Variants in NRG3 observed in about 807,000 individuals in gnomAD.
NRG3 encodes the protein pro-neuregulin-3, membrane-bound isoform.
In NRG3, 31 loss-of-function variants were observed where a neutral mutation model predicts 66.9. The ratio of observed to expected loss-of-function variants is 0.46; its 90% CI spans 0.35 to 0.63. The LOEUF is 0.63. NRG3 is among the 20% of genes least tolerant of loss of function. The pLI is 0.00. For missense variants in NRG3, 910 were observed against 878.9 expected (o/e 1.04, Z -0.45); for synonymous variants, 393 against 359.4 (o/e 1.09, Z -1.06).
chr10:82,478,258 T>A (rs1841968098), intron 2 of NRG3, among the ~76,000 whole-genome samples: 1 of 18,296 alleles, frequency 5.5e-5, no homozygotes, highest in African/African-American at 9.3e-5. Context: ...TTTTTTTTTT[T>A]TAATTTATTT....
intron 6 of NRG3, among the ~76,000 whole-genome samples, chr10:82,970,535 C>T (rs1195502745): frequency 1.3e-5 from 2 of 152,104 alleles, no homozygotes; most frequent in East Asian, 1.9e-4. Flanking sequence ...ATGTATGTTG[C>T]CTGTCTTTAT....
intron 1 of NRG3, among the ~76,000 whole-genome samples, chr10:82,334,145 A>AG: frequency 6.7e-6 from 1 of 150,196 alleles, no homozygotes; most frequent in East Asian, 2.0e-4. Flanking sequence ...TCAAAAAAAA[A>AG]AAAAAAAAAA....
chr10:82,544,426 T>C (rs2132795724), intron 2 of NRG3, among the ~76,000 whole-genome samples: 1 of 152,304 alleles, frequency 6.6e-6, no homozygotes, highest in South Asian at 2.1e-4. Context: ...CTCAATCCAT[T>C]TCCCCTGCCC....
At chr10:82,630,134 A>G (rs1367055046) in intron 2 of NRG3, among the ~76,000 whole-genome samples, 1 of 152,146 alleles carries the variant, frequency 6.6e-6, no homozygotes, top group Non-Finnish European at 1.5e-5. Flanking sequence ...AATACAAACA[A>G]TGGGTTTGTT....
At chr10:82,941,826 C>A (rs1262551595) in intron 4 of NRG3, among the ~76,000 whole-genome samples, 2 of 152,112 alleles carry the variant, frequency 1.3e-5, no homozygotes, top group Non-Finnish European at 2.9e-5. Context: ...ATAATGAATA[C>A]TTGGATAGAA....
chr10:81,937,864 A>G (rs949359530), intron 1 of NRG3, among the ~76,000 whole-genome samples: 1 of 152,240 alleles, frequency 6.6e-6, no homozygotes, highest in Admixed American at 6.6e-5. Flanking sequence ...CAGTAGTTTT[A>G]TAGTTTCTGG....
At chr10:82,015,220 A>G (rs868416362) in intron 1 of NRG3, among the ~76,000 whole-genome samples, 93 of 152,304 alleles carry the variant, frequency 6.1e-4, no homozygotes, top group African/African-American at 2.1e-3. Flanking sequence ...AAAAGAAAGT[A>G]TGATAATTGA....
intron 2 of NRG3, among the ~76,000 whole-genome samples, chr10:82,425,114 T>C (rs1418490556): frequency 1.3e-5 from 2 of 152,086 alleles, no homozygotes; most frequent in African/African-American, 2.4e-5. Context: ...TCAAGATTGT[T>C]TGGTTATTCT....
rs577869574 is a variant in NRG3 at position 82,968,865 on chromosome 10, T to G, written c.1285-4923T>G. Among the ~76,000 whole-genome samples the G allele has an allele frequency of 1.1e-4, 17 of 152,270 alleles. 1 individual carries two copies. The South Asian group carries it at 3.5e-3, about 32-fold the overall frequency. ...AAAAAGAGGTTTAATGGACTCACAG[T>G]TTCATATGGCTGGTGAGGCCTCATA... On this transcript the variant is annotated intron_variant, in intron 6 of 8. Transcript: ENST00000372141.
chr10:81,902,445 C>G (rs1213356897), intron 1 of NRG3, among the ~76,000 whole-genome samples: 1 of 152,074 alleles, frequency 6.6e-6, no homozygotes, highest in African/African-American at 2.4e-5. Context: ...TGGAGCCTTC[C>G]TGATGAAATT....
chr10:82,407,291 C>T (rs1186193048), intron 2 of NRG3, among the ~76,000 whole-genome samples: 2 of 152,046 alleles, frequency 1.3e-5, no homozygotes, highest in African/African-American at 4.8e-5. Flanking sequence ...GTTAGCCTTT[C>T]TCATCCTTAA....
At chr10:82,487,825 A>C (rs1340760410) in intron 2 of NRG3, among the ~76,000 whole-genome samples, 1 of 152,204 alleles carries the variant, frequency 6.6e-6, no homozygotes, top group Admixed American at 6.5e-5. Flanking sequence ...TTTTAAATCC[A>C]ATTCGTGCAG....
chr10:82,699,981 G>A (rs1167565824), intron 2 of NRG3, among the ~76,000 whole-genome samples: 1 of 151,954 alleles, frequency 6.6e-6, no homozygotes, highest in Non-Finnish European at 1.5e-5. Flanking sequence ...GAAAAAGAAA[G>A]GTATTCAAGA....
At chr10:82,416,548 G>A (rs2088592925) in intron 2 of NRG3, among the ~76,000 whole-genome samples, 1 of 152,132 alleles carries the variant, frequency 6.6e-6, no homozygotes. Flanking sequence ...GGTCCCCTTT[G>A]GGCCCTAAGG....
At chr10:82,696,166 T>C (rs1253522492) in intron 2 of NRG3, among the ~76,000 whole-genome samples, 7 of 152,134 alleles carry the variant, frequency 4.6e-5, no homozygotes. Flanking sequence ...CCAGCAAGAC[T>C]ATTATTAATT....
At chr10:82,547,834 A>G (rs1437669993) in intron 2 of NRG3, among the ~76,000 whole-genome samples, 2 of 152,112 alleles carry the variant, frequency 1.3e-5, no homozygotes, top group Non-Finnish European at 2.9e-5. Context: ...ATATCTAGCT[A>G]TGTTTAAGTA....
At chr10:82,013,439 T>C (rs1274140705) in intron 1 of NRG3, among the ~76,000 whole-genome samples, 8 of 152,286 alleles carry the variant, frequency 5.3e-5, no homozygotes, top group African/African-American at 1.9e-4. Context: ...GGGAAACTTT[T>C]ATTTTTCCAT....
chr10:82,383,480 A>G (rs1171046503), intron 2 of NRG3, among the ~76,000 whole-genome samples: 1 of 151,890 alleles, frequency 6.6e-6, no homozygotes, highest in Non-Finnish European at 1.5e-5. Flanking sequence ...ATTTTTGGTT[A>G]AATTAGGTTA....
At chr10:82,081,286 A>G (rs1486103969) in intron 1 of NRG3, among the ~76,000 whole-genome samples, 2 of 152,218 alleles carry the variant, frequency 1.3e-5, no homozygotes, top group African/African-American at 4.8e-5. Flanking sequence ...TGATGGAATT[A>G]TCTGTTGCAG....
Sources: gnomAD v4.1 joint callset for allele counts (sites outside exome capture counted in the v4.1 genomes callset) on GRCh38, gnomAD v4.1.1 for gene constraint, MANE v1.5 for transcripts, NCBI Gene and HGNC (gene_info 2026-07-23, HGNC 2026-07-21) for gene names.